The following ATRNL1 variants were observed in gnomAD, a reference collection of about 807,000 sequenced individuals.
ATRNL1 encodes the protein attractin like 1.
A neutral mutation model predicts 182.7 loss-of-function variants in ATRNL1; 95 were observed. The ratio of observed to expected loss-of-function variants is 0.52; its 90% CI spans 0.44 to 0.62. The LOEUF (loss-of-function observed/expected upper bound fraction) is 0.62. Ranked by LOEUF, ATRNL1 falls within the 20% of genes least tolerant of loss-of-function variation. The pLI, the probability that ATRNL1 is intolerant of heterozygous loss-of-function variation, is 0.00. For missense variants in ATRNL1, 1,471 were observed against 1,679.5 expected (o/e 0.88, Z 2.17); for synonymous variants, 576 against 568.3 (o/e 1.01, Z -0.19).
At chr10:115,259,550 TC>T (rs1554908141) in intron 10 of ATRNL1, among the ~76,000 whole-genome samples, 3 of 152,100 alleles carry the variant, frequency 2.0e-5, no homozygotes, top group Non-Finnish European at 4.4e-5. Context: ...GAAAGGGAAA[TC>T]CCCCAACCCC....
chr10:115,265,008 T>A (rs562881626), intron 10 of ATRNL1, among the ~76,000 whole-genome samples, 185 bp from the exon 11 acceptor site: 1 of 151,766 alleles, frequency 6.6e-6, no homozygotes, highest in South Asian at 2.1e-4. Context: ...GTTATTTTTA[T>A]TTAATGAATA....
chr10:115,448,699 C>T (rs984798239), intron 21 of ATRNL1, among the ~76,000 whole-genome samples: 7 of 150,788 alleles, frequency 4.6e-5, no homozygotes, highest in African/African-American at 7.4e-5. Flanking sequence ...GAAATCAAGA[C>T]GCACACAAAA....
At chr10:115,781,046 A>G (rs1949253166) in intron 27 of ATRNL1, among the ~76,000 whole-genome samples, 1 of 152,208 alleles carries the variant, frequency 6.6e-6, no homozygotes, top group African/African-American at 2.4e-5. Context: ...TTAGCAAAAT[A>G]CTTGAGGAGA....
At chr10:115,570,082 C>T (rs1377384630) in intron 26 of ATRNL1, among the ~76,000 whole-genome samples, 1 of 152,178 alleles carries the variant, frequency 6.6e-6, no homozygotes, top group Admixed American at 6.5e-5. Context: ...CTGCCTCAGC[C>T]TCCTGAGTAG....
chr10:115,622,568 C>T (rs1439330832), intron 26 of ATRNL1, among the ~76,000 whole-genome samples: 1 of 152,150 alleles, frequency 6.6e-6, no homozygotes, highest in Admixed American at 6.5e-5. Flanking sequence ...AGTTTGATAA[C>T]TTTTACAATA....
At chr10:115,786,913 T>C (rs1222414895) in intron 27 of ATRNL1, among the ~76,000 whole-genome samples, 38 of 152,206 alleles carry the variant, frequency 2.5e-4, no homozygotes, top group African/African-American at 8.7e-4. Flanking sequence ...AAACATTATG[T>C]TTTTGCCAAG....
chr10:115,613,373 A>C (rs555561133), intron 26 of ATRNL1, among the ~76,000 whole-genome samples: 6 of 152,298 alleles, frequency 3.9e-5, no homozygotes, highest in Non-Finnish European at 7.4e-5. Context: ...CCCTCATGTA[A>C]ATCCCACTGT....
chr10:115,580,406 A>G (rs998046947), intron 26 of ATRNL1, among the ~76,000 whole-genome samples: 2 of 151,994 alleles, frequency 1.3e-5, no homozygotes, highest in Non-Finnish European at 2.9e-5. Flanking sequence ...AGCATTTTGA[A>G]TATATTTTTC....
At chr10:115,528,094 A>T (rs1851354242) in intron 25 of ATRNL1, among the ~76,000 whole-genome samples, 1 of 146,476 alleles carries the variant, frequency 6.8e-6, no homozygotes. Context: ...TTCTAAAAAT[A>T]ATCTGCTTCA....
chr10:115,929,430 T>TA (rs1289588205), intron 28 of ATRNL1, among the ~76,000 whole-genome samples: 1 of 152,114 alleles, frequency 6.6e-6, no homozygotes, highest in Non-Finnish European at 1.5e-5. Flanking sequence ...TATGTCATAT[T>TA]AAAAGTCATA....
chr10:115,248,137 A>G (rs374798268), intron 10 of ATRNL1, among the ~76,000 whole-genome samples: 19 of 152,328 alleles, frequency 1.2e-4, no homozygotes, highest in Middle Eastern at 6.8e-3. Flanking sequence ...ATAGTTAACT[A>G]TTATGTGTAG....
intron 27 of ATRNL1, among the ~76,000 whole-genome samples, chr10:115,842,769 A>G (rs1950839965): frequency 1.3e-5 from 2 of 152,110 alleles, no homozygotes; most frequent in Non-Finnish European, 2.9e-5. Context: ...CCTAGATTCT[A>G]GAATCAGAGT....
intron 24 of ATRNL1, among the ~76,000 whole-genome samples, chr10:115,518,570 T>C (rs553932396): frequency 1.2e-4 from 19 of 152,036 alleles, no homozygotes; most frequent in African/African-American, 4.3e-4. Flanking sequence ...CTTTTATTAT[T>C]ACCATTCGCA....
chr10:115,312,128 G>A (rs1442584535), intron 17 of ATRNL1, among the ~76,000 whole-genome samples: 5 of 151,908 alleles, frequency 3.3e-5, no homozygotes, highest in African/African-American at 9.7e-5. Context: ...GAGATGTGGG[G>A]TACATTTCTA....
chr10:115,859,425 A>G (rs781967329), intron 28 of ATRNL1, among the ~76,000 whole-genome samples: 102 of 152,188 alleles, frequency 6.7e-4, no homozygotes, highest in Middle Eastern at 3.4e-3. Context: ...GAAAAAGAAA[A>G]TAATATAATT....
At chr10:115,253,174 G>A (rs1008037159) in intron 10 of ATRNL1, among the ~76,000 whole-genome samples, 1 of 152,176 alleles carries the variant, frequency 6.6e-6, no homozygotes, top group Non-Finnish European at 1.5e-5. Context: ...GCAAGAGGTA[G>A]GGGGATGATG....
chr10:115,774,875 T>G (rs1252091024), intron 27 of ATRNL1, among the ~76,000 whole-genome samples: 1 of 149,984 alleles, frequency 6.7e-6, no homozygotes, highest in Non-Finnish European at 1.5e-5. Context: ...CATGGTTTGT[T>G]TTTTTTTTTA....
chr10:115,543,926 T>C (rs1852499823), intron 25 of ATRNL1, among the ~76,000 whole-genome samples: 1 of 152,186 alleles, frequency 6.6e-6, no homozygotes, highest in Non-Finnish European at 1.5e-5. Context: ...TTTTACTCCC[T>C]ATTTCCTTTG....
At position 115,356,187 on chromosome 10, in the gene ATRNL1, A is replaced by T. The variant is rs184330738; in HGVS notation, c.3175+21768A>T. 1.0e-3 allele frequency among the ~76,000 whole-genome samples: 157 copies of T among 152,220 alleles called. 1 individual carries two copies. The highest frequency in any genetic ancestry group is 3.7e-3 in the African/African-American group (152 of 41,564). ...CATTCTCACACATTGTAGATTATTC[A>T]GAGAAGCAGAAAATTTATTACCAAA... is the stretch of plus-strand genomic sequence containing the variant. On this transcript the variant is annotated intron_variant, in intron 19 of 28. Coordinates refer to ENST00000355044, the MANE Select transcript of ATRNL1 (RefSeq NM_207303.4).
Sources: allele counts gnomAD v4.1 joint callset (sites outside exome capture counted in the v4.1 genomes callset), GRCh38; gene constraint gnomAD v4.1.1; transcripts MANE v1.5; gene names NCBI Gene and HGNC (gene_info 2026-07-23, HGNC 2026-07-21).